The following PCNX2 variants were observed in gnomAD, a reference collection of about 807,000 sequenced individuals.
PCNX2 encodes pecanex-like protein 2.
PCNX2 carries 168 observed loss-of-function variants against 223.8 expected under a neutral mutation model. The ratio of observed to expected loss-of-function variants is 0.75; its 90% CI spans 0.66 to 0.85. The LOEUF is 0.85. Among genes scored for constraint, PCNX2 ranks in the 40% least tolerant of loss-of-function variants. The probability of loss-of-function intolerance (pLI) is 0.00; values close to 1 mark genes in which losing one functional copy is unlikely to be tolerated. For synonymous variants in PCNX2, 1,006 were observed against 1,052.6 expected (o/e 0.96, Z 0.86); for missense variants, 2,507 against 2,675.5 (o/e 0.94, Z 1.39).
At chr1:233,235,957 A>AATATATATATATATATAT (rs1553319644) in intron 9 of PCNX2, among the ~76,000 whole-genome samples, 40 of 93,074 alleles carry the variant, frequency 4.3e-4, no homozygotes, top group African/African-American at 1.1e-3. Flanking sequence ...CATAAAAAAA[A>AATATATATATATATATAT]ATATATATAT....
chr1:233,114,667 G>A (rs1426657493), intron 21 of PCNX2, among the ~76,000 whole-genome samples: 1 of 152,084 alleles, frequency 6.6e-6, no homozygotes, highest in Non-Finnish European at 1.5e-5. Flanking sequence ...CACTGATATT[G>A]CAGCGGTCAC....
chr1:232,993,610 T>C (rs1669778469), intron 32 of PCNX2, among the ~76,000 whole-genome samples: 2 of 152,198 alleles, frequency 1.3e-5, no homozygotes, highest in Admixed American at 6.5e-5. Flanking sequence ...CTGCAGAAAT[T>C]TGCATAAGTA....
intron 4 of PCNX2, 36 bp from the exon 5 acceptor site, chr1:233,259,380 A>T (rs1572166201): frequency 6.4e-7 from 1 of 1,552,584 alleles, no homozygotes; most frequent in Non-Finnish European, 8.7e-7. Context: ...TAGCATCAGA[A>T]ATGAATGAGT....
rs981555358 is a variant in PCNX2 at position 233,112,945 on chromosome 1, C to T, written c.3838-17082G>A. The T allele has an allele frequency of 1.3e-5, 17 of 1,289,230 alleles. No homozygotes were observed. The African/African-American group carries it at 2.0e-4, about 15-fold the overall frequency. The allele number at this position is 1,289,230 out of a possible 1,614,324, so 79.9% of individuals were successfully genotyped here. Reference sequence around the variant, plus strand: ...ATGGTTTGAGTTAAGGGAAATCATCCTCTTTGTGTGTGGGTGCCGTCCTAG... The same window carrying T: ...ATGGTTTGAGTTAAGGGAAATCATCTTCTTTGTGTGTGGGTGCCGTCCTAG... On this transcript the variant is annotated intron_variant, in intron 21 of 33. Transcript: ENST00000258229.
chr1:233,285,289 T>C (rs1047508757), intron 1 of PCNX2, among the ~76,000 whole-genome samples: 1 of 151,166 alleles, frequency 6.6e-6, no homozygotes, highest in African/African-American at 2.4e-5. Context: ...GTGTTTGAGG[T>C]TGCAGTGAGT....
At chr1:233,176,132 T>G (rs1679460195) in intron 17 of PCNX2, among the ~76,000 whole-genome samples, 1 of 152,026 alleles carries the variant, frequency 6.6e-6, no homozygotes. Flanking sequence ...AAAGTGTGAG[T>G]CAAGGACATC....
At position 233,135,115 on chromosome 1, in the gene PCNX2, A is replaced by G; in HGVS notation, c.3735T>C (p.Phe1245=). The G allele has an allele frequency of 6.2e-7, 1 of 1,613,732 alleles. No homozygotes were observed. The highest frequency in any genetic ancestry group is 8.5e-7 in the Non-Finnish European group (1 of 1,179,614). Residue 1245 remains phenylalanine (F), a synonymous_variant, in exon 21 of 34, where the codon TTT becomes TTC. Transcript: ENST00000258229. ...AGATGACAGTGAAGCTCAAGTTAAT[A>G]AACTGGTAAACCGGGTTGCAGAATG... The part of the protein sequence containing the change: ...RTSFCNPVYQ[F]INLSFTVIFF...
chr1:233,108,809 G>A (rs895805802), intron 21 of PCNX2, among the ~76,000 whole-genome samples: 3 of 152,204 alleles, frequency 2.0e-5, no homozygotes, highest in Non-Finnish European at 4.4e-5. Context: ...ATTACAGACA[G>A]GGGAGAGAGG....
intron 1 of PCNX2, among the ~76,000 whole-genome samples, chr1:233,272,716 C>T (rs558810072): frequency 1.3e-5 from 2 of 152,234 alleles, no homozygotes; most frequent in South Asian, 2.1e-4. Context: ...CAGCACAATT[C>T]GCAATTGCAA....
Position 233,000,395 on chromosome 1 carries a change from C to A in PCNX2, c.5238G>T (p.Leu1746=). ...CGTCCACCACGTGCCGCAGGGTGAG[C>A]AGCTCTTCCTTGTTGGACAGCACTG... is the stretch of plus-strand genomic sequence containing the variant. ...RGAVLSNKEE[L]LTLRHVVDEG... The change falls in exon 30 of 34, where the codon CTG becomes CTT. Residue 1746 remains leucine, a synonymous_variant. Transcript: ENST00000258229. The surrounding 1 kb of genome is among the most constrained non-coding windows in gnomAD (Gnocchi z 4.6). The A allele has an allele frequency of 6.2e-7, 1 of 1,612,130 alleles. No homozygotes were observed. Among genetic ancestry groups the A allele is most frequent in the East Asian group, 2.2e-5 (1 of 44,864 alleles).
the PCNX2 span, among the ~76,000 whole-genome samples, chr1:233,309,538 CAAA>C: frequency 1.8e-4 from 25 of 141,544 alleles, no homozygotes; most frequent in South Asian, 2.3e-4. Context: ...GAGACTCCCT[CAAA>C]AAAATAATAA....
rs760375197 is a variant in PCNX2, at chr1:233,000,373, C to T, written c.5260G>A (p.Asp1754Asn). ...ACCTTGTACTCGTCGGCACCCTCGT[C>T]CACCACGTGCCGCAGGGTGAGCAGC... ...EELLTLRHVV[D>N]EGADEYKVIM... Residue 1754 changes from aspartate to asparagine, a missense_variant, in exon 30 of 34, where the codon GAC becomes AAC. This residue lies in a region of PCNX2 where 1,372 missense variants were observed against 1,509.4 expected (regional missense o/e 0.91). Transcript: ENST00000258229. This position sits in a 1 kb window ranked among gnomAD's most constrained non-coding sequence, Gnocchi z 4.6. The T allele has an allele frequency of 6.2e-7, 1 of 1,613,464 alleles. No homozygotes were observed. Among genetic ancestry groups the T allele is most frequent in the South Asian group, 1.1e-5 (1 of 91,046 alleles).
chr1:233,204,342 C>T (rs1681318447), intron 13 of PCNX2, among the ~76,000 whole-genome samples: 1 of 152,228 alleles, frequency 6.6e-6, no homozygotes, highest in Non-Finnish European at 1.5e-5. Context: ...GCCTCCAGAA[C>T]TGCAAGACAA....
chr1:233,295,726 G>A (rs1662055594), upstream of PCNX2: 1 of 380,240 alleles, frequency 2.6e-6, no homozygotes, highest in African/African-American at 2.1e-5. The surrounding 1 kb of genome is among the most constrained non-coding windows in gnomAD (Gnocchi z 4.1). Flanking sequence ...TCCGAGGGAG[G>A]AAGGATTTTC....
upstream of PCNX2, among the ~76,000 whole-genome samples, chr1:233,298,532 C>G (rs376338238): frequency 6.6e-5 from 10 of 152,276 alleles, no homozygotes; most frequent in African/African-American, 2.4e-4. Flanking sequence ...TGAGCGTGAT[C>G]TAAATGCAGG....
At chr1:233,320,655 C>T in the PCNX2 span, among the ~76,000 whole-genome samples, 1 of 152,098 alleles carries the variant, frequency 6.6e-6, no homozygotes, top group African/African-American at 2.4e-5. Context: ...AATGTGAAAC[C>T]ATTGTTAATG....
intron 25 of PCNX2, among the ~76,000 whole-genome samples, chr1:233,029,747 C>G (rs974345227): frequency 6.6e-6 from 1 of 151,786 alleles, no homozygotes; most frequent in Non-Finnish European, 1.5e-5. Flanking sequence ...TGTATGATTT[C>G]TTTTGATAAG....
Position 233,001,479 on chromosome 1 carries a change from C to CATCA in PCNX2, c.5097+57_5097+58insTGAT, listed in dbSNP as rs1670082537. ...GGGCAACAAGAGCGAAACTCCATCT[C>CATCA]ATAAATAAATAAATAAATAAATAAA... On this transcript the variant is annotated intron_variant, in intron 29 of 33. Coordinates refer to ENST00000258229, the MANE Select transcript of PCNX2 (RefSeq NM_014801.4). This position sits in a 1 kb window ranked among gnomAD's most constrained non-coding sequence, Gnocchi z 4.2. The CATCA allele has an allele frequency of 1.5e-6, 1 of 662,568 alleles. No individual in the cohort carries two copies. Among genetic ancestry groups the CATCA allele is most frequent in the Admixed American group, 5.5e-5 (1 of 18,036 alleles). The allele number at this position is 662,568 out of a possible 1,614,324, so 41.0% of individuals were successfully genotyped here. A position where few individuals can be genotyped will look rare whatever the true frequency, so the allele number is the denominator to read the frequency against.
chr1:232,985,984 G>A (rs1669459694), intron 33 of PCNX2, 108 bp downstream of exon 33: 7 of 1,212,586 alleles, frequency 5.8e-6, no homozygotes, highest in Non-Finnish European at 3.6e-6. Flanking sequence ...AGAAGGGGAT[G>A]GGGTTCTGCA....
Sources: gnomAD v4.1 joint callset for allele counts (sites outside exome capture counted in the v4.1 genomes callset) on GRCh38, gnomAD v4.1.1 for gene constraint, gnomAD v4.1.1 regional missense constraint, Gnocchi (gnomAD v3.1) non-coding constraint, MANE v1.5 for transcripts, NCBI Gene and HGNC (gene_info 2026-07-23, HGNC 2026-07-21) for gene names.